Variants in FLT3 observed in about 807,000 individuals in gnomAD.
FLT3 encodes receptor-type tyrosine-protein kinase FLT3.
Under a neutral mutation model 126.6 loss-of-function variants are expected in FLT3, and 46 were observed. The ratio of observed to expected loss-of-function variants is 0.36; its 90% CI spans 0.29 to 0.46. The LOEUF (loss-of-function observed/expected upper bound fraction) is 0.46. Ranked by LOEUF, FLT3 falls within the 20% of genes least tolerant of loss-of-function variation. The probability of loss-of-function intolerance (pLI) is 1.00; values close to 1 mark genes in which losing one functional copy is unlikely to be tolerated. For missense variants in FLT3, 1,069 were observed against 1,190.3 expected (o/e 0.90, Z 1.50); for synonymous variants, 404 against 434.4 (o/e 0.93, Z 0.87).
At position 28,050,330 on chromosome 13, in the gene FLT3, A is replaced by G. The variant is rs985036934; in HGVS notation, c.615-108T>C. On this transcript the variant is annotated intron_variant, in intron 5 of 23. Transcript: ENST00000241453. ...AGCCAGTTTTAAGGGTCAAATGGTA[A>G]ACAAAAGGTCAAAAGGTAAACAAGC... The G allele has an allele frequency of 3.8e-6, 4 of 1,056,872 alleles. No individual in the cohort carries two copies. In the African/African-American group the frequency reaches 6.4e-5, roughly 17 times the overall value. The allele number at this position is 1,056,872 out of a possible 1,614,324, so 65.5% of individuals were successfully genotyped here. A position where few individuals can be genotyped will look rare whatever the true frequency, so the allele number is the denominator to read the frequency against.
intron 1 of FLT3, among the ~76,000 whole-genome samples, chr13:28,090,907 G>T (rs112992901): frequency 2.0e-5 from 3 of 152,234 alleles, no homozygotes; most frequent in East Asian, 1.9e-4. Context: ...CATTCTGAGC[G>T]GTGAGGACAA....
At chr13:28,076,184 A>G (rs1342425510) in intron 1 of FLT3, among the ~76,000 whole-genome samples, 1 of 152,228 alleles carries the variant, frequency 6.6e-6, no homozygotes, top group Non-Finnish European at 1.5e-5. Flanking sequence ...CAATTAACAA[A>G]TATTAAGTAC....
intron 2 of FLT3, among the ~76,000 whole-genome samples, chr13:28,066,427 TA>T (rs1291423100): frequency 1.3e-5 from 2 of 151,966 alleles, no homozygotes; most frequent in African/African-American, 4.8e-5. Flanking sequence ...ATTCCAGGGG[TA>T]AGGCAAGAAA....
chr13:28,052,709 T>A, intron 4 of FLT3, 35 bp from the exon 5 acceptor site: 1 of 1,447,250 alleles, frequency 6.9e-7, no homozygotes, highest in Non-Finnish European at 9.6e-7. Context: ...TTTTACTATT[T>A]TAAAAATAAT....
At chr13:28,095,569 C>A (rs904181118) in intron 1 of FLT3, among the ~76,000 whole-genome samples, 8 of 152,172 alleles carry the variant, frequency 5.3e-5, no homozygotes, top group Non-Finnish European at 1.0e-4. Context: ...CCACCTTGCC[C>A]GGCCCCCTCT....
At chr13:28,076,657 A>T (rs941923505) in intron 1 of FLT3, among the ~76,000 whole-genome samples, 1 of 152,158 alleles carries the variant, frequency 6.6e-6, no homozygotes, top group Admixed American at 6.5e-5. Context: ...TGTTTGTAGC[A>T]TGAGTGAGGA....
At chr13:28,013,046 G>A (rs1282934662) in intron 23 of FLT3, among the ~76,000 whole-genome samples, 6 of 152,064 alleles carry the variant, frequency 3.9e-5, no homozygotes, top group African/African-American at 1.4e-4. Flanking sequence ...TTACCTTATG[G>A]TGTCATGAAC....
chr13:28,014,891 T>C (rs1157521545), intron 22 of FLT3, among the ~76,000 whole-genome samples: 3 of 152,168 alleles, frequency 2.0e-5, no homozygotes, highest in Non-Finnish European at 4.4e-5. Context: ...GAGTTTTCTT[T>C]TCTTTTTAAA....
rs778898414 is a variant in FLT3, at chr13:28,023,322, G to A, written c.2418+28C>T. 1.9e-6 allele frequency: 3 copies of A among 1,584,798 alleles called. No individual in the cohort carries two copies. The Admixed American group carries it at 5.8e-5, about 30-fold the overall frequency. On this transcript the variant is annotated intron_variant, in intron 19 of 23. Coordinates refer to ENST00000241453, the MANE Select transcript of FLT3 (RefSeq NM_004119.3). ...CACATCTTTTCAAATCTTTTTTTTG[G>A]TTTGTTTTTTCTTTAAAAGGAGCAT...
intron 17 of FLT3, chr13:28,025,195 T>C (rs1872700445): frequency 2.0e-6 from 1 of 509,278 alleles, no homozygotes; most frequent in East Asian, 3.5e-5. Flanking sequence ...CACTCAATCC[T>C]TGCCACAACC....
chr13:28,025,156 T>G (rs539120886), intron 17 of FLT3: 2 of 557,288 alleles, frequency 3.6e-6, no homozygotes, highest in South Asian at 4.7e-5. Context: ...CTGTTTTCCA[T>G]ATAGAATCTT....
intron 18 of FLT3, among the ~76,000 whole-genome samples, chr13:28,023,937 T>C (rs1277386440): frequency 2.0e-5 from 3 of 151,716 alleles, no homozygotes; most frequent in East Asian, 1.9e-4. Context: ...TAATTTTTTG[T>C]ATTTTTAGTA....
chr13:28,089,629 A>G (rs1288197068), intron 1 of FLT3, among the ~76,000 whole-genome samples: 1 of 152,112 alleles, frequency 6.6e-6, no homozygotes, highest in African/African-American at 2.4e-5. Flanking sequence ...GTATCATAAG[A>G]TTCCACTTAC....
At chr13:28,048,912 G>C (rs1004724525) in intron 8 of FLT3, among the ~76,000 whole-genome samples, 8 of 152,128 alleles carry the variant, frequency 5.3e-5, no homozygotes, top group Admixed American at 5.2e-4. Context: ...TGAGATTATT[G>C]AACTGTGGTT....
chr13:28,084,876 G>C (rs1042726885), intron 1 of FLT3, among the ~76,000 whole-genome samples: 2 of 151,570 alleles, frequency 1.3e-5, no homozygotes, highest in African/African-American at 2.4e-5. Flanking sequence ...TCGGGAGGCT[G>C]AGGCAGGAGA....
chr13:28,017,166 AG>A (rs1593218551), intron 20 of FLT3, among the ~76,000 whole-genome samples: 1 of 152,228 alleles, frequency 6.6e-6, no homozygotes, highest in Non-Finnish European at 1.5e-5. Context: ...TTTAGCACAT[AG>A]TAAGCACTAA....
intron 23 of FLT3, 115 bp from the exon 24 acceptor site, chr13:28,004,289 T>C (rs1870691210): frequency 8.9e-7 from 1 of 1,124,434 alleles, no homozygotes; most frequent in Non-Finnish European, 1.3e-6. Context: ...GACAATTACT[T>C]TTTTGTTTGT....
chr13:28,057,057 TG>T (rs905614512), intron 4 of FLT3, among the ~76,000 whole-genome samples: 16 of 152,206 alleles, frequency 1.1e-4, no homozygotes, highest in Non-Finnish European at 8.8e-5. Context: ...AAGGTCAAAA[TG>T]TTTTCCATTT....
intron 1 of FLT3, among the ~76,000 whole-genome samples, chr13:28,090,285 C>T (rs1325987433): frequency 6.6e-6 from 1 of 151,018 alleles, no homozygotes; most frequent in African/African-American, 2.5e-5. Flanking sequence ...ATCCGCCTGC[C>T]TCAGCCTCCC....
Sources: gnomAD v4.1 joint callset for allele counts (sites outside exome capture counted in the v4.1 genomes callset) on GRCh38, gnomAD v4.1.1 for gene constraint, MANE v1.5 for transcripts, NCBI Gene and HGNC (gene_info 2026-07-23, HGNC 2026-07-21) for gene names.